NCOR2: variants seen among roughly 807,000 people sequenced by gnomAD.
The protein encoded by NCOR2 is nuclear receptor corepressor 2, also known as CTG repeat protein 26.
NCOR2 carries 81 observed loss-of-function variants against 262.9 expected under a neutral mutation model. That is an observed-to-expected ratio of 0.31 (90% CI 0.26 to 0.37). The LOEUF (loss-of-function observed/expected upper bound fraction) is 0.37, where lower values mean the gene tolerates loss of function less well. NCOR2 is among the 10% of genes least tolerant of loss of function. The pLI is 1.00. For synonymous variants in NCOR2, 1,659 were observed against 1,559.3 expected (o/e 1.06, Z -1.51); for missense variants, 3,385 against 3,621.4 (o/e 0.93, Z 1.68).
intron 13 of NCOR2, among the ~76,000 whole-genome samples, chr12:124,410,630 C>T (rs892282472): frequency 6.6e-6 from 1 of 152,150 alleles, no homozygotes; most frequent in African/African-American, 2.4e-5. Flanking sequence ...AAACAAGATA[C>T]AAGCCCTCGG....
chr12:124,567,431 C>T (rs1312693120), exon 1 of NCOR2: 1 of 150,184 alleles, frequency 6.7e-6, no homozygotes, highest in East Asian at 1.9e-4. Flanking sequence ...GGTCGGGACG[C>T]GATCCTCCCG....
At chr12:124,530,415 T>C (rs57207353) in intron 1 of NCOR2, among the ~76,000 whole-genome samples, 15,833 of 152,044 alleles carry the variant, frequency 0.1, 2,285 homozygotes, top group African/African-American at 0.33. Flanking sequence ...ACACATGCAA[T>C]TGAACCCTTA....
At position 124,460,383 on chromosome 12, in the gene NCOR2, G is replaced by A. The variant is rs150688425; in HGVS notation, c.706-3221C>T. 3.4e-3 allele frequency among the ~76,000 whole-genome samples: 516 copies of A among 152,290 alleles called. 1 individual carries two copies. The highest frequency in any genetic ancestry group is 4.7e-3 in the Non-Finnish European group (318 of 68,034). ...CAGAACCCTGTCCTCTCTCCACGTC[G>A]CTGCAGCTGGCCCAGGGCCTCCCTG... On this transcript the variant is annotated intron_variant, in intron 5 of 46. Transcript: ENST00000405201.
At chr12:124,558,907 T>G (rs2051976591) in intron 1 of NCOR2, among the ~76,000 whole-genome samples, 1 of 152,194 alleles carries the variant, frequency 6.6e-6, no homozygotes, top group Non-Finnish European at 1.5e-5. Flanking sequence ...CCTTTATTAT[T>G]GCCCAAGGCC....
At chr12:124,541,831 GGA>G (rs1672333112) in intron 1 of NCOR2, among the ~76,000 whole-genome samples, 2 of 44,378 alleles carry the variant, frequency 4.5e-5, no homozygotes, top group East Asian at 2.3e-3. Context: ...AGATGGAGGG[GGA>G]TGGGGAGTGG....
intron 28 of NCOR2, 74 bp downstream of exon 30, chr12:124,350,513 C>T: frequency 1.3e-6 from 2 of 1,549,684 alleles, no homozygotes; most frequent in Non-Finnish European, 1.8e-6. Flanking sequence ...AGCCCTGCCT[C>T]CCTGTGAAGC....
intron 4 of NCOR2, among the ~76,000 whole-genome samples, chr12:124,468,190 T>A (rs369446885): frequency 2.7e-4 from 7 of 26,332 alleles, no homozygotes; most frequent in African/African-American, 1.1e-3. Context: ...CTCATCACCC[T>A]CATCCTTATC....
At chr12:124,330,985 G>A in intron 43 of NCOR2, 87 bp from the exon 46 acceptor site, 1 of 1,392,040 alleles carries the variant, frequency 7.2e-7, no homozygotes, top group Non-Finnish European at 9.9e-7. Flanking sequence ...GGCCAGGTGT[G>A]CTGGCATCAC....
intron 1 of NCOR2, among the ~76,000 whole-genome samples, chr12:124,562,974 A>G (rs914786304): frequency 1.3e-5 from 2 of 152,208 alleles, no homozygotes; most frequent in Non-Finnish European, 2.9e-5. Context: ...CCCCCATTTT[A>G]GAGATGAGCA....
chr12:124,511,589 G>A (rs530172471), intron 1 of NCOR2, among the ~76,000 whole-genome samples: 1 of 152,298 alleles, frequency 6.6e-6, no homozygotes, highest in East Asian at 1.9e-4. Flanking sequence ...CCCTTAGCAG[G>A]GCTGTCTGAG....
chr12:124,468,327 ATCATCCTCATCCTCC>A (rs2046614482), intron 4 of NCOR2, among the ~76,000 whole-genome samples: 4 of 22,122 alleles, frequency 1.8e-4, no homozygotes, highest in African/African-American at 4.9e-4. Context: ...CATCACCCTC[ATCATCCTCATCCTCC>A]TCACCCCCAT....
intron 13 of NCOR2, among the ~76,000 whole-genome samples, chr12:124,412,740 T>C (rs368253047): frequency 1.3e-5 from 2 of 152,368 alleles, no homozygotes; most frequent in East Asian, 1.9e-4. Context: ...AGCAGCGTCC[T>C]AGACCAACGC....
At chr12:124,388,719 T>C (rs771840097) in intron 16 of NCOR2, 2 of 1,304,224 alleles carry the variant, frequency 1.5e-6, no homozygotes, top group Non-Finnish European at 1.0e-6. Flanking sequence ...CGGCCAAGTT[T>C]TCCGGAAACA....
At chr12:124,387,196 TTTCATTCA>T (rs373449303) in intron 16 of NCOR2, among the ~76,000 whole-genome samples, 6,545 of 147,538 alleles carry the variant, frequency 0.044, 389 homozygotes, top group African/African-American at 0.13. Flanking sequence ...GTGTTGGTAT[TTTCATTCA>T]TTCATTCATT....
chr12:124,494,595 G>C (rs2136901115), intron 1 of NCOR2, among the ~76,000 whole-genome samples: 1 of 152,278 alleles, frequency 6.6e-6, no homozygotes, highest in East Asian at 1.9e-4. Context: ...CCTGGCCACA[G>C]GGCGGGCTCC....
intron 1 of NCOR2, among the ~76,000 whole-genome samples, chr12:124,493,340 G>A (rs988541746): frequency 6.6e-6 from 1 of 152,232 alleles, no homozygotes; most frequent in African/African-American, 2.4e-5. Context: ...TTCCCCTCTG[G>A]GCAGCTGCAG....
chr12:124,436,473 C>T (rs1163252785), intron 8 of NCOR2, among the ~76,000 whole-genome samples: 9 of 152,238 alleles, frequency 5.9e-5, no homozygotes, highest in East Asian at 1.9e-4. Context: ...CCATCCAGCC[C>T]GCCTCTTCCC....
Position 124,483,277 on chromosome 12 carries a change from C to CCCT in NCOR2, c.411+316_411+318dup, listed in dbSNP as rs1361190111. Among the ~76,000 whole-genome samples, 5 of 152,010 alleles carry CCCT rather than the reference C, an allele frequency of 3.3e-5. No individual in the cohort carries two copies. Among genetic ancestry groups the CCCT allele is most frequent in the Non-Finnish European group, 7.4e-5 (5 of 67,958 alleles). The stretch of plus-strand genomic sequence containing the variant: ...GCTCTCTGCTCCACGGCACCCCAGG[C>CCCT]CCTCCCATCCCAGCTCTCCCCTCCC... On this transcript the variant is annotated intron_variant, in intron 3 of 46. Transcript: ENST00000405201. The surrounding 1 kb of genome is among the most constrained non-coding windows in gnomAD (Gnocchi z 6.3).
intron 1 of NCOR2, among the ~76,000 whole-genome samples, chr12:124,550,752 G>A (rs1485588792): frequency 6.6e-6 from 1 of 152,188 alleles, no homozygotes; most frequent in Admixed American, 6.5e-5. Context: ...CTAGGACCTG[G>A]CAGGGGGGCC....
Sources: gnomAD v4.1 joint callset for allele counts (sites outside exome capture counted in the v4.1 genomes callset) on GRCh38, gnomAD v4.1.1 for gene constraint, Gnocchi (gnomAD v3.1) non-coding constraint, MANE v1.5 for transcripts, NCBI Gene and HGNC (gene_info 2026-07-23, HGNC 2026-07-21) for gene names.